VEZT: variants seen among roughly 807,000 people sequenced by gnomAD.
VEZT encodes vezatin.
A neutral mutation model predicts 79.9 loss-of-function variants in VEZT; 39 were observed. That is an observed-to-expected ratio of 0.49 (90% CI 0.38 to 0.64). The LOEUF (loss-of-function observed/expected upper bound fraction) is 0.64. VEZT is among the 30% of genes least tolerant of loss of function. The probability of loss-of-function intolerance (pLI) is 0.00; values close to 1 mark genes in which losing one functional copy is unlikely to be tolerated. For missense variants in VEZT, 837 were observed against 893.1 expected (o/e 0.94, Z 0.80); for synonymous variants, 325 against 327.6 (o/e 0.99, Z 0.09).
chr12:95,285,393 G>A (rs1032884468), intron 8 of VEZT, among the ~76,000 whole-genome samples: 6 of 149,486 alleles, frequency 4.0e-5, no homozygotes, highest in Admixed American at 3.3e-4. Context: ...GCAGTGAGCC[G>A]AAATCACACC....
intron 10 of VEZT, among the ~76,000 whole-genome samples, chr12:95,294,801 T>G (rs533450886): frequency 1.8e-4 from 27 of 152,306 alleles, no homozygotes; most frequent in African/African-American, 6.5e-4. Flanking sequence ...CTCTTTTCCT[T>G]AGGTCATATT....
At chr12:95,269,939 A>G in intron 5 of VEZT, 112 bp from the exon 6 acceptor site, 4 of 1,292,076 alleles carry the variant, frequency 3.1e-6, no homozygotes, top group East Asian at 5.1e-5. Flanking sequence ...AGTGAAGATC[A>G]TGAAAGAGGA....
At chr12:95,247,019 T>A (rs1300249597) in intron 1 of VEZT, among the ~76,000 whole-genome samples, 4 of 152,180 alleles carry the variant, frequency 2.6e-5, no homozygotes, top group Admixed American at 2.6e-4. Context: ...CCAAAACCTC[T>A]AAAATATAGT....
chr12:95,245,882 G>A (rs1390906646), intron 1 of VEZT, among the ~76,000 whole-genome samples: 3 of 152,180 alleles, frequency 2.0e-5, no homozygotes, highest in African/African-American at 7.2e-5. Flanking sequence ...CAGAGGCTGA[G>A]GTGGGAAGAT....
intron 4 of VEZT, among the ~76,000 whole-genome samples, chr12:95,264,869 C>CTTTTTTTTTTTTTTTTTTTT (rs71078693): frequency 8.8e-5 from 10 of 113,332 alleles, no homozygotes; most frequent in Non-Finnish European, 1.4e-4. Context: ...CTTTTCTTTT[C>CTTTTTTTTTTTTTTTTTTTT]TTTTTTTTTT....
In VEZT at chr12:95,228,517, T is replaced by C. The variant is rs1437072143; in HGVS notation, c.36+10631T>C. On this transcript the variant is annotated intron_variant, in intron 1 of 11. Coordinates refer to ENST00000436874, the MANE Select transcript of VEZT (RefSeq NM_017599.4). ...AAGGTATTATTATATCATTTAATTTTTTTTAATATATCCTGAGTTTCAGTT... is the reference window on the plus strand; with the variant it reads ...AAGGTATTATTATATCATTTAATTTCTTTTAATATATCCTGAGTTTCAGTT... Among the ~76,000 whole-genome samples the C allele has an allele frequency of 3.3e-5, 5 of 152,252 alleles. No homozygotes were observed. The East Asian group carries it at 9.6e-4, about 29-fold the overall frequency.
intron 3 of VEZT, among the ~76,000 whole-genome samples, chr12:95,260,078 T>A (rs1423105797): frequency 6.6e-6 from 1 of 151,448 alleles, no homozygotes; most frequent in African/African-American, 2.4e-5. Context: ...CATAGATGAT[T>A]GTAGGTTGTT....
intron 8 of VEZT, among the ~76,000 whole-genome samples, chr12:95,287,178 T>A (rs1047097324): frequency 3.9e-5 from 6 of 152,114 alleles, no homozygotes; most frequent in Admixed American, 2.0e-4. Context: ...TTTTAAAAAA[T>A]TGTGTCAAAG....
chr12:95,274,930 A>T (rs375689997), intron 7 of VEZT, 41 bp downstream of exon 7: 6 of 1,596,356 alleles, frequency 3.8e-6, no homozygotes, highest in East Asian at 2.2e-5. Context: ...GAAAAAATAG[A>T]TGCACTTGGA....
At chr12:95,262,403 G>T (rs1236017972) in intron 3 of VEZT, 1 of 152,264 alleles carries the variant, frequency 6.6e-6, no homozygotes, top group African/African-American at 2.4e-5. Context: ...AAGGCATTTT[G>T]TAAACTATAA....
At chr12:95,286,144 C>T (rs932368782) in intron 8 of VEZT, among the ~76,000 whole-genome samples, 8 of 151,958 alleles carry the variant, frequency 5.3e-5, no homozygotes, top group Non-Finnish European at 1.0e-4. Flanking sequence ...AGGCACCTGC[C>T]ACCATGCCCA....
In VEZT at chr12:95,240,037, G is replaced by A. The variant is rs1174595481; in HGVS notation, c.37-11903G>A. Among the ~76,000 whole-genome samples the A allele has an allele frequency of 2.8e-3, 295 of 106,448 alleles. 3 individuals are homozygous for A. Among genetic ancestry groups the A allele is most frequent in the African/African-American group, 9.4e-3 (261 of 27,882 alleles). 69.8% of individuals were successfully genotyped at this position (106,448 alleles called of 152,430 possible). ...GAGAGAAAGAAAGGAAGGAAGGAAG[G>A]AAGGAAGGAAGGAAGGAAGGAAGGA... On this transcript the variant is annotated intron_variant, in intron 1 of 11. Coordinates refer to ENST00000436874, the MANE Select transcript of VEZT (RefSeq NM_017599.4).
intron 9 of VEZT, among the ~76,000 whole-genome samples, chr12:95,288,091 T>C (rs565550801): frequency 1.3e-5 from 2 of 152,342 alleles, no homozygotes; most frequent in African/African-American, 4.8e-5. Flanking sequence ...ATCATATCTC[T>C]TTTTTAAAAA....
At chr12:95,266,656 T>C in intron 5 of VEZT, 24 bp downstream of exon 5, 1 of 1,549,886 alleles carries the variant, frequency 6.5e-7, no homozygotes, top group Non-Finnish European at 8.7e-7. Context: ...TTATTTTATT[T>C]CTTAAATGAT....
intron 7 of VEZT, among the ~76,000 whole-genome samples, chr12:95,278,651 G>A (rs142505921): frequency 9.6e-4 from 146 of 152,242 alleles, no homozygotes; most frequent in African/African-American, 3.3e-3. Context: ...TATTGTTCCC[G>A]TATCTTCCCT....
At chr12:95,278,995 A>C (rs2068403603) in intron 7 of VEZT, among the ~76,000 whole-genome samples, 1 of 152,190 alleles carries the variant, frequency 6.6e-6, no homozygotes, top group African/African-American at 2.4e-5. Context: ...GCTTGAACCC[A>C]GGAGGCGGAA....
chr12:95,271,116 C>T (rs1053487499), intron 6 of VEZT, among the ~76,000 whole-genome samples: 1 of 152,186 alleles, frequency 6.6e-6, no homozygotes, highest in African/African-American at 2.4e-5. Flanking sequence ...CATACAACTA[C>T]TAATGGATGA....
Position 95,274,805 on chromosome 12 carries a change from G to A in VEZT, c.912G>A (p.Glu304=). Residue 304 remains glutamate (E), a synonymous_variant, in exon 7 of 12, where the codon GAG becomes GAA. Transcript: ENST00000436874. The part of the protein sequence containing the change: ...TNYICVVPFK[E]LGLGLSEEQI... ...ACATCTGTGTGGTGCCTTTTAAAGAGCTGGGCCTTGGACTTAGTGAAGAGC... is the reference window on the plus strand; with the variant it reads ...ACATCTGTGTGGTGCCTTTTAAAGAACTGGGCCTTGGACTTAGTGAAGAGC... The A allele has an allele frequency of 6.2e-7, 1 of 1,613,908 alleles. No individual in the cohort carries two copies. Among genetic ancestry groups the A allele is most frequent in the South Asian group, 1.1e-5 (1 of 91,072 alleles).
chr12:95,219,127 T>C (rs977838885), intron 1 of VEZT, among the ~76,000 whole-genome samples: 1 of 152,186 alleles, frequency 6.6e-6, no homozygotes, highest in African/African-American at 2.4e-5. Flanking sequence ...CAGACACTTG[T>C]AAGTTAAAAT....
Sources: gnomAD v4.1 joint callset for allele counts (sites outside exome capture counted in the v4.1 genomes callset) on GRCh38, gnomAD v4.1.1 for gene constraint, MANE v1.5 for transcripts, NCBI Gene and HGNC (gene_info 2026-07-23, HGNC 2026-07-21) for gene names.